The following ANO10 variants were observed in gnomAD, a reference collection of about 807,000 sequenced individuals.
ANO10 encodes the protein anoctamin 10.
In ANO10, 77 loss-of-function variants were observed where a neutral mutation model predicts 74.7. That is an observed-to-expected ratio of 1.03 (90% CI 0.86 to 1.25). The LOEUF (loss-of-function observed/expected upper bound fraction) is 1.25. Among genes scored for constraint, ANO10 ranks in the 50% most tolerant of loss-of-function variants. The pLI is 0.00. For missense variants in ANO10, 721 were observed against 778.1 expected, an observed-to-expected ratio of 0.93 and a Z score of 0.87; for synonymous variants, 279 against 284.9, an observed-to-expected ratio of 0.98 and a Z score of 0.21.
chr3:43,529,986 T>C (rs970372623), intron 11 of ANO10, among the ~76,000 whole-genome samples: 3 of 152,122 alleles, frequency 2.0e-5, no homozygotes, highest in Non-Finnish European at 4.4e-5. Context: ...GAAAAATACC[T>C]GACACTTTCT....
intron 12 of ANO10, among the ~76,000 whole-genome samples, chr3:43,412,449 C>T (rs967125144): frequency 6.6e-6 from 1 of 152,196 alleles, no homozygotes; most frequent in African/African-American, 2.4e-5. Flanking sequence ...GCTGAACACA[C>T]CGTTGCCTGC....
chr3:43,505,787 G>T (rs920447687), intron 11 of ANO10, among the ~76,000 whole-genome samples: 7 of 152,038 alleles, frequency 4.6e-5, no homozygotes, highest in African/African-American at 1.7e-4. Flanking sequence ...TAAATAATAT[G>T]GTCCCTAAGG....
chr3:43,484,940 AT>A, intron 11 of ANO10: 1 of 896,866 alleles, frequency 1.1e-6, no homozygotes, highest in Non-Finnish European at 1.7e-6. Context: ...TCCTGAGTTT[AT>A]TTGGGGCCCA....
intron 1 of ANO10, among the ~76,000 whole-genome samples, chr3:43,679,261 T>C (rs1455693285): frequency 6.6e-6 from 1 of 152,152 alleles, no homozygotes; most frequent in African/African-American, 2.4e-5. Context: ...ACTTTTCCAA[T>C]GGTCTTAGCA....
At chr3:43,483,158 T>A (rs977102898) in intron 11 of ANO10, among the ~76,000 whole-genome samples, 10 of 152,244 alleles carry the variant, frequency 6.6e-5, no homozygotes, top group African/African-American at 2.4e-4. Flanking sequence ...AGGCAGGAAT[T>A]CAACAAGATG....
At chr3:43,542,297 G>C (rs532965832) in intron 11 of ANO10, among the ~76,000 whole-genome samples, 4 of 152,166 alleles carry the variant, frequency 2.6e-5, no homozygotes, top group Non-Finnish European at 5.9e-5. Context: ...AGGGATGAAT[G>C]AGAGGGAGGG....
chr3:43,627,486 T>C (rs1389959871), intron 1 of ANO10, among the ~76,000 whole-genome samples: 1 of 152,198 alleles, frequency 6.6e-6, no homozygotes, highest in Non-Finnish European at 1.5e-5. Flanking sequence ...ATCAAGAAGC[T>C]GCCACAGTCA....
At chr3:43,465,712 T>C (rs1310395458) in intron 11 of ANO10, among the ~76,000 whole-genome samples, 1 of 152,196 alleles carries the variant, frequency 6.6e-6, no homozygotes, top group Non-Finnish European at 1.5e-5. Context: ...TCATTACTGA[T>C]TGTAATGTTG....
chr3:43,429,461 G>C (rs1386743091), intron 12 of ANO10, among the ~76,000 whole-genome samples: 1 of 151,992 alleles, frequency 6.6e-6, no homozygotes, highest in Admixed American at 6.6e-5. Context: ...ATTCTTCCTA[G>C]ACCTGGAGTT....
intron 11 of ANO10, among the ~76,000 whole-genome samples, chr3:43,490,802 C>CCA (rs2076690633): frequency 1.3e-5 from 2 of 152,114 alleles, no homozygotes; most frequent in Non-Finnish European, 2.9e-5. Context: ...AGCACCACCC[C>CCA]CACACACACA....
intron 11 of ANO10, among the ~76,000 whole-genome samples, chr3:43,467,302 A>C (rs1036463964): frequency 6.6e-6 from 1 of 152,230 alleles, no homozygotes; most frequent in African/African-American, 2.4e-5. Flanking sequence ...AAGAATGTTC[A>C]CTGCTGCCTC....
chr3:43,619,569 G>T (rs1451332333), intron 1 of ANO10, among the ~76,000 whole-genome samples: 2 of 152,016 alleles, frequency 1.3e-5, no homozygotes, highest in Non-Finnish European at 2.9e-5. Flanking sequence ...TCTTCCAGGG[G>T]CTGGGCACAG....
intron 12 of ANO10, among the ~76,000 whole-genome samples, chr3:43,374,521 G>A (rs925240493): frequency 1.3e-5 from 2 of 152,250 alleles, no homozygotes; most frequent in East Asian, 3.9e-4. Flanking sequence ...CAGGCTGCCC[G>A]GCCCCTACCC....
At chr3:43,626,295 C>CTTT (rs776440890), upstream of ANO10, among the ~76,000 whole-genome samples, 2 of 135,650 alleles carry the variant, frequency 1.5e-5, no homozygotes, top group African/African-American at 2.7e-5. Context: ...ATGTTCTTCA[C>CTTT]TTTTTTTTTT....
chr3:43,567,689 A>C (rs1242399660), intron 7 of ANO10, among the ~76,000 whole-genome samples: 1 of 152,146 alleles, frequency 6.6e-6, no homozygotes, highest in African/African-American at 2.4e-5. Context: ...GGAAGCACTA[A>C]ACATGGAAAG....
chr3:43,427,590 G>T (rs1375520691), intron 12 of ANO10, among the ~76,000 whole-genome samples: 1 of 152,150 alleles, frequency 6.6e-6, no homozygotes, highest in South Asian at 2.1e-4. Flanking sequence ...ACTTAATAGT[G>T]AGACTTCACC....
At chr3:43,658,323 G>A (rs748050944) in intron 1 of ANO10, among the ~76,000 whole-genome samples, 1 of 152,114 alleles carries the variant, frequency 6.6e-6, no homozygotes, top group Non-Finnish European at 1.5e-5. Context: ...CGAAGAATAA[G>A]CATTAGCATG....
chr3:43,630,533 A>G lies in ANO10; in HGVS notation c.-11-24670T>C, dbSNP rs112525253. ...AGAATGTTAAGGTGCAGACTTCACA[A>G]TGACATAACCTCCTATGAGTATATA... is the stretch of plus-strand genomic sequence containing the variant. On this transcript the variant is annotated intron_variant, in intron 1 of 3. Coordinates refer to the ANO10 transcript ENST00000413397. Among the ~76,000 whole-genome samples the G allele has an allele frequency of 2.2e-3, 336 of 152,302 alleles. 1 individual carries two copies. Among genetic ancestry groups the G allele is most frequent in the Non-Finnish European group, 3.7e-3 (249 of 68,026 alleles).
chr3:43,424,831 TG>T, intron 12 of ANO10: 1 of 152,320 alleles, frequency 6.6e-6, no homozygotes, highest in East Asian at 1.9e-4. Flanking sequence ...TGGCTCTATC[TG>T]GGCAGCGGGC....
Sources: allele counts gnomAD v4.1 joint callset (sites outside exome capture counted in the v4.1 genomes callset), GRCh38; gene constraint gnomAD v4.1.1; transcripts MANE v1.5; gene names NCBI Gene and HGNC (gene_info 2026-07-23, HGNC 2026-07-21).